Variants in PEX1 observed in about 807,000 individuals in gnomAD.
The protein encoded by PEX1 is peroxisomal biogenesis factor 1, also known as peroxisomal ATPase PEX1.
In PEX1, 97 loss-of-function variants were observed where a neutral mutation model predicts 152.5. That is an observed-to-expected ratio of 0.64 (90% CI 0.54 to 0.75). The LOEUF is 0.75. PEX1 is among the 30% of genes least tolerant of loss of function. PEX1 has a pLI of 0.00. For synonymous variants in PEX1, 485 were observed against 531.6 expected (o/e 0.91, Z 1.21); for missense variants, 1,357 against 1,516.3 (o/e 0.89, Z 1.74).
chr7:92,526,484 A>G (rs1793273833), intron 1 of PEX1, among the ~76,000 whole-genome samples: 1 of 152,346 alleles, frequency 6.6e-6, no homozygotes, highest in South Asian at 2.1e-4. Context: ...ATAATTATCT[A>G]TGGCCTCTAA....
chr7:92,526,636 ATC>A (rs1437302100), intron 1 of PEX1, among the ~76,000 whole-genome samples: 1 of 152,218 alleles, frequency 6.6e-6, no homozygotes, highest in Non-Finnish European at 1.5e-5. Flanking sequence ...TAAATGGTCA[ATC>A]ATAGTAAACA....
intron 8 of PEX1, 70 bp from the exon 9 acceptor site, chr7:92,509,481 G>C (rs1792354903): frequency 9.2e-7 from 1 of 1,084,438 alleles, no homozygotes; most frequent in African/African-American, 1.5e-5. Context: ...TCGGGTCCCA[G>C]AAAACTAAAT....
At position 92,523,732 on chromosome 7, in the gene PEX1, G is replaced by A. The variant is rs1261215951; in HGVS notation, c.130-1487C>T. On this transcript the variant is annotated intron_variant, in intron 1 of 23. Coordinates refer to ENST00000248633, the MANE Select transcript of PEX1 (RefSeq NM_000466.3). ...TGTGGTCCCATCTACTCAGGAAGCC[G>A]AGGTGGGAGGATCACTTGAGTCAGG... is the stretch of plus-strand genomic sequence containing the variant. Among the ~76,000 whole-genome samples the A allele has an allele frequency of 3.3e-5, 5 of 152,126 alleles. No individual in the cohort carries two copies. The East Asian group carries it at 7.7e-4, about 23-fold the overall frequency.
intron 1 of PEX1, among the ~76,000 whole-genome samples, chr7:92,524,120 C>T (rs1793163140): frequency 6.6e-6 from 1 of 151,994 alleles, no homozygotes; most frequent in Non-Finnish European, 1.5e-5. Context: ...CAGGATCTCA[C>T]TGTGTTGCCC....
chr7:92,490,264 A>G lies in PEX1; in HGVS notation c.3439-353T>C, dbSNP rs1052320062. ...GACATTTCTAAATAGAATAAATTAA[A>G]AACAGAATTAAAGACTAAAATTAAA... On this transcript the variant is annotated intron_variant, in intron 21 of 23. Coordinates refer to ENST00000248633, the MANE Select transcript of PEX1 (RefSeq NM_000466.3). The G allele has an allele frequency of 3.1e-5, 8 of 260,904 alleles. No individual in the cohort carries two copies. The South Asian group carries it at 3.1e-4, about 10-fold the overall frequency. 16.2% of individuals were successfully genotyped at this position (260,904 alleles called of 1,614,324 possible).
chr7:92,516,053 GAAAAAAGAA>G (rs1281069986), intron 5 of PEX1, among the ~76,000 whole-genome samples: 1 of 78,226 alleles, frequency 1.3e-5, no homozygotes, highest in Non-Finnish European at 2.5e-5. Context: ...GAAGAGAAGA[GAAAAAAGAA>G]AAGAAAAGAA....
chr7:92,489,622 A>G (rs759256321), intron 22 of PEX1, 92 bp downstream of exon 22: 10 of 1,195,558 alleles, frequency 8.4e-6, no homozygotes, highest in African/African-American at 1.5e-5. Context: ...TTATAAATAT[A>G]GCTCGTTTAT....
Position 92,494,636 on chromosome 7 carries a change from A to G in PEX1, c.2784-7T>C, listed in dbSNP as rs777893142. ...GGGCTTTGCAGCCTGTGCTCTGGGA[A>G]AAACAAACAACATTTCATATTTGAA... On this transcript the variant is annotated splice_polypyrimidine_tract_variant and splice_region_variant and intron_variant, in intron 17 of 23. Coordinates refer to ENST00000248633, the MANE Select transcript of PEX1 (RefSeq NM_000466.3). 29 of 1,613,554 alleles carry G rather than the reference A, an allele frequency of 1.8e-5. No homozygotes were observed. In the South Asian group the frequency reaches 3.1e-4, roughly 17 times the overall value.
Position 92,528,416 on chromosome 7 carries a change from A to G in PEX1, c.20T>C (p.Leu7Pro), listed in dbSNP as rs1793404176. MWGSDRLAGAGGGGAAV... is the reference protein window; with the variant it reads MWGSDRPAGAGGGGAAV... ...CGCCCCGCCTCCCCCAGCACCCGCC[A>G]GGCGATCGCTGCCCCACATCGTCCC... The change falls in exon 1 of 24, where the codon CTG (leucine) becomes CCG (proline). Residue 7 changes from leucine (L) to proline (P), a missense_variant. Physicochemically the swap from Leu to Pro is moderately conservative, Grantham distance 98. Coordinates refer to ENST00000248633, the MANE Select transcript of PEX1 (RefSeq NM_000466.3). The G allele has an allele frequency of 6.3e-7, 1 of 1,595,816 alleles. No individual in the cohort carries two copies. The highest frequency in any genetic ancestry group is 1.3e-5 in the African/African-American group (1 of 74,658).
chr7:92,501,728 T>C (rs1791937414), intron 14 of PEX1, 55 bp from the exon 15 acceptor site: 3 of 1,484,816 alleles, frequency 2.0e-6, no homozygotes, highest in East Asian at 2.3e-5. Context: ...ATATGAATTT[T>C]CAAAATATGC....
In PEX1 at chr7:92,501,678, TTAAAAA is replaced by T. The variant is rs1791933875; in HGVS notation, c.2417-11_2417-6del. 2 of 1,611,104 alleles carry T rather than the reference TTAAAAA, an allele frequency of 1.2e-6. No individual in the cohort carries two copies. The highest frequency in any genetic ancestry group is 1.7e-6 in the Non-Finnish European group (2 of 1,177,532). ...CCAATGTTGTTAAAACTAATTCTGT[TTAAAAA>T]TAAACAAAACTTCTTTTACTAGTTA... On this transcript the variant is annotated splice_polypyrimidine_tract_variant and splice_region_variant and intron_variant, in intron 14 of 23. Transcript: ENST00000248633.
In PEX1 at chr7:92,504,779, T is replaced by C. The variant is rs1792100189; in HGVS notation, c.2024A>G (p.Glu675Gly). ...CACCGCATCAGGACTGTGCTCATGT[T>C]CCGGGACAGCAGGCAGTCCAGCAAT... ...DLIAGLPAVP[E>G]HEHSPDAVQS... Residue 675 changes from glutamate to glycine, a missense_variant, in exon 12 of 24, where the codon GAA becomes GGA. Physicochemically the swap from Glu to Gly is moderately conservative, Grantham distance 98 (BLOSUM62 -2). Coordinates refer to ENST00000248633, the MANE Select transcript of PEX1 (RefSeq NM_000466.3). The C allele has an allele frequency of 7.4e-6, 12 of 1,614,172 alleles. No individual in the cohort carries two copies. Among genetic ancestry groups the C allele is most frequent in the Non-Finnish European group, 1.0e-5 (12 of 1,180,022 alleles).
At chr7:92,514,156 A>G (rs1792612575) in intron 5 of PEX1, among the ~76,000 whole-genome samples, 189 bp from the exon 6 acceptor site, 1 of 152,182 alleles carries the variant, frequency 6.6e-6, no homozygotes, top group Admixed American at 6.5e-5. Context: ...GGTGGCTAAC[A>G]AACGACAGAA....
rs758085238 is a variant in PEX1 at position 92,507,047 on chromosome 7, T to C, written c.1750A>G (p.Met584Val). 3.1e-6 allele frequency: 5 copies of C among 1,613,920 alleles called. No individual in the cohort carries two copies. The highest frequency in any genetic ancestry group is 1.7e-5 in the Admixed American group (1 of 59,986). ...TTCCTAAGTCCTGCAACAAGAGACA[T>C]CAGCTGCCGAGACAAAGGGCGTCCC... ...LLGRPLSRQLMSLVAGLRNGA... is the reference protein window; with the variant it reads ...LLGRPLSRQLVSLVAGLRNGA... The change falls in exon 10 of 24, where the codon ATG becomes GTG. Residue 584 changes from methionine to valine, a missense_variant. Physicochemically the swap from Met to Val is conservative, Grantham distance 21. Coordinates refer to ENST00000248633, the MANE Select transcript of PEX1 (RefSeq NM_000466.3).
At chr7:92,492,214 A>C (rs1791370622) in intron 20 of PEX1, among the ~76,000 whole-genome samples, 2 of 152,174 alleles carry the variant, frequency 1.3e-5, no homozygotes, top group African/African-American at 4.8e-5. Flanking sequence ...TGGCACAAGC[A>C]TGGCTCACTG....
At chr7:92,499,880 T>G (rs752961714) in intron 15 of PEX1, 42 bp from the exon 16 acceptor site, 1 of 1,523,562 alleles carries the variant, frequency 6.6e-7, no homozygotes, top group East Asian at 2.3e-5. Flanking sequence ...AGCTCAAGTC[T>G]AAACAGAAAT....
At chr7:92,502,180 G>T in intron 13 of PEX1, 101 bp from the exon 14 acceptor site, 1 of 834,712 alleles carries the variant, frequency 1.2e-6, no homozygotes, top group Non-Finnish European at 1.9e-6. Context: ...TATAGTGACA[G>T]AAAGCAAATT....
At chr7:92,492,887 A>G in intron 20 of PEX1, 66 bp downstream of exon 20, 1 of 1,268,272 alleles carries the variant, frequency 7.9e-7, no homozygotes, top group Non-Finnish European at 1.2e-6. Context: ...TTTAAGGTGG[A>G]AATTTTGACA....
chr7:92,501,696 T>C (rs1273681010), intron 14 of PEX1, 23 bp from the exon 15 acceptor site: 2 of 1,585,870 alleles, frequency 1.3e-6, no homozygotes, highest in East Asian at 4.5e-5. Context: ...AAACAAAACT[T>C]CTTTTACTAG....
Sources: gnomAD v4.1 joint callset for allele counts (sites outside exome capture counted in the v4.1 genomes callset) on GRCh38, gnomAD v4.1.1 for gene constraint, MANE v1.5 for transcripts, NCBI Gene and HGNC (gene_info 2026-07-23, HGNC 2026-07-21) for gene names.